Variants in ZNF544 observed in about 807,000 individuals in gnomAD.
The protein encoded by ZNF544 is zinc finger protein 544.
Under a neutral mutation model 13.5 loss-of-function variants are expected in ZNF544, and 10 were observed. The observed-to-expected ratio is 0.74, with a 90% CI of 0.46 to 1.25. The LOEUF (loss-of-function observed/expected upper bound fraction) is 1.25. Among genes scored for constraint, ZNF544 ranks in the 50% most tolerant of loss-of-function variants. The pLI is 0.00. For missense variants in ZNF544, 896 were observed against 845.6 expected (o/e 1.06, Z -0.74); for synonymous variants, 323 against 300.5 (o/e 1.07, Z -0.77).
intron 6 of ZNF544, chr19:58,259,586 CTT>C (rs1331993296): frequency 6.6e-6 from 1 of 152,232 alleles, no homozygotes; most frequent in Non-Finnish European, 1.5e-5. Context: ...ACATTTCTGT[CTT>C]TTCCTTCTCC....
In ZNF544 at chr19:58,261,894, C is replaced by G. The variant is rs986441230; in HGVS notation, c.1288C>G (p.His430Asp). Residue 430 changes from histidine to aspartate, a missense_variant, in exon 7 of 7, where the codon CAC becomes GAC. Physicochemically the swap from His to Asp is moderately conservative, Grantham distance 81. Transcript: ENST00000687789. ...RSKLITHQRIHTGEKPYQCIE... is the reference protein window; with the variant it reads ...RSKLITHQRIDTGEKPYQCIE... ...CAAACTTATTACACATCAGCGAATT[C>G]ACACTGGAGAAAAACCGTATCAGTG... is the stretch of plus-strand genomic sequence containing the variant. 5 of 1,612,520 alleles carry G rather than the reference C, an allele frequency of 3.1e-6. No individual in the cohort carries two copies. Among genetic ancestry groups the G allele is most frequent in the East Asian group, 4.5e-5 (2 of 44,808 alleles).
Position 58,261,411 on chromosome 19 carries a change from AG to A in ZNF544, c.806del (p.Ser269MetfsTer17), listed in dbSNP as rs771509684. The A allele has an allele frequency of 1.4e-5, 23 of 1,614,100 alleles. No homozygotes were observed. The highest frequency in any genetic ancestry group is 1.9e-5 in the Non-Finnish European group (23 of 1,180,056). On this transcript the variant is annotated frameshift_variant, in exon 7 of 7. Coordinates refer to ENST00000687789, the MANE Select transcript of ZNF544 (RefSeq NM_014480.4). LOFTEE classifies it low-confidence loss of function (END_TRUNC). ...FHGRTFSVKK[S>X]DDCKDYGNLF... ...TGGTAGAACTTTTTCAGTGAAGAAA[AG>A]TGATGACTGTAAGGATTATGGAAAC... is the stretch of plus-strand genomic sequence containing the variant.
At chr19:58,236,497 T>C (rs2042408361) in intron 3 of ZNF544, among the ~76,000 whole-genome samples, 1 of 138,168 alleles carries the variant, frequency 7.2e-6, no homozygotes, top group African/African-American at 2.8e-5. Context: ...AGTGAAACTG[T>C]GTCTCAAAAA....
At chr19:58,253,419 A>C (rs1456734621) in intron 6 of ZNF544, among the ~76,000 whole-genome samples, 1 of 152,196 alleles carries the variant, frequency 6.6e-6, no homozygotes, top group African/African-American at 2.4e-5. Context: ...GATTCAGCTA[A>C]CAACATTAAA....
intron 6 of ZNF544, chr19:58,276,457 G>C: frequency 8.4e-7 from 1 of 1,192,906 alleles, no homozygotes; most frequent in Non-Finnish European, 1.0e-6. Context: ...TCAAAAGTCA[G>C]AATTTTATTT....
At chr19:58,257,878 C>G (rs1293632232) in intron 6 of ZNF544, 1 of 152,228 alleles carries the variant, frequency 6.6e-6, no homozygotes, top group African/African-American at 2.4e-5. Flanking sequence ...CACGTTTCCC[C>G]CAGGCTGGAG....
At chr19:58,235,051 A>G (rs923418110) in intron 3 of ZNF544, among the ~76,000 whole-genome samples, 3 of 152,234 alleles carry the variant, frequency 2.0e-5, no homozygotes, top group African/African-American at 7.2e-5. Flanking sequence ...TGCAGTTACC[A>G]GTCCATAATA....
In ZNF544 at chr19:58,244,066, G is replaced by T; in HGVS notation, c.33+10G>T. On this transcript the variant is annotated intron_variant, in intron 4 of 6. Transcript: ENST00000687789. Reference sequence around the variant, plus strand: ...GCTGGTTCCACCCCAGGTGAGTGGGGGGTCTTTGCTCTCAGTGCCTTGGTC... The same window carrying T: ...GCTGGTTCCACCCCAGGTGAGTGGGTGGTCTTTGCTCTCAGTGCCTTGGTC... 6.2e-7 allele frequency: 1 copy of T among 1,605,802 alleles called. No individual in the cohort carries two copies. Among genetic ancestry groups the T allele is most frequent in the Non-Finnish European group, 8.5e-7 (1 of 1,175,780 alleles).
chr19:58,256,547 A>G (rs1028680985), intron 6 of ZNF544, among the ~76,000 whole-genome samples: 1 of 152,276 alleles, frequency 6.6e-6, no homozygotes, highest in South Asian at 2.1e-4. Flanking sequence ...AACAACTTAA[A>G]CGGTTACAAG....
intron 3 of ZNF544, among the ~76,000 whole-genome samples, chr19:58,236,459 G>A (rs921375823): frequency 7.4e-5 from 11 of 147,744 alleles, no homozygotes; most frequent in Non-Finnish European, 1.3e-4. Context: ...ATCGCTTGGC[G>A]CCATTGCACT....
At chr19:58,275,262 A>G (rs2051127958) in intron 5 of ZNF544, among the ~76,000 whole-genome samples, 1 of 152,038 alleles carries the variant, frequency 6.6e-6, no homozygotes, top group Non-Finnish European at 1.5e-5. Context: ...GCTTACTCTG[A>G]CTTATCCCTG....
In ZNF544 at chr19:58,260,832, C is replaced by T. The variant is rs2048772328; in HGVS notation, c.245-19C>T. On this transcript the variant is annotated intron_variant, in intron 6 of 6. Transcript: ENST00000687789. ...TCTGATGCTTCTCCAGTAACTTAGG[C>T]ATTTTGGATTTCTTTCAGACTGGAA... 6.4e-7 allele frequency: 1 copy of T among 1,550,838 alleles called. No homozygotes were observed. Among genetic ancestry groups the T allele is most frequent in the Non-Finnish European group, 8.7e-7 (1 of 1,149,698 alleles).
intron 6 of ZNF544, chr19:58,257,363 A>C (rs1375661781): frequency 6.6e-6 from 1 of 152,218 alleles, no homozygotes; most frequent in African/African-American, 2.4e-5. Context: ...CTGGTCGCAG[A>C]ATTTTCTGGG....
At chr19:58,231,808 C>T (rs2041284140) in intron 3 of ZNF544, 4 of 151,992 alleles carry the variant, frequency 2.6e-5, no homozygotes, top group Admixed American at 2.6e-4. Flanking sequence ...AATATTTTGT[C>T]AAGTTCAAAA....
intron 3 of ZNF544, among the ~76,000 whole-genome samples, chr19:58,238,949 G>T (rs2042993063): frequency 6.6e-6 from 1 of 152,160 alleles, no homozygotes; most frequent in Admixed American, 6.5e-5. Flanking sequence ...CACAGGTTTG[G>T]TGGCATCAGG....
At chr19:58,250,801 T>C (rs907817029) in intron 6 of ZNF544, among the ~76,000 whole-genome samples, 5 of 152,020 alleles carry the variant, frequency 3.3e-5, no homozygotes, top group African/African-American at 7.3e-5. Flanking sequence ...AGGCCAAAGA[T>C]TGGGCTGGGA....
Position 58,241,180 on chromosome 19 carries a change from T to TATATA in ZNF544, c.-59-2785_-59-2784insATATA, listed in dbSNP as rs1491408473. 5.3e-3 allele frequency among the ~76,000 whole-genome samples: 354 copies of TATATA among 67,324 alleles called. 15 individuals carry two copies. The highest frequency in any genetic ancestry group is 0.021 in the African/African-American group (313 of 14,588). 44.2% of individuals were successfully genotyped at this position (67,324 alleles called of 152,430 possible). A position where few individuals can be genotyped will look rare whatever the true frequency, so the allele number is the denominator to read the frequency against. The stretch of plus-strand genomic sequence containing the variant: ...ATATTTAAATATATATATATATATA[T>TATATA]TTTTTTTTTTTTGTAGAGATAGGGT... On this transcript the variant is annotated intron_variant, in intron 3 of 6. Transcript: ENST00000687789.
At chr19:58,242,208 G>A (rs1389426696) in intron 3 of ZNF544, 1 of 985,168 alleles carries the variant, frequency 1.0e-6, no homozygotes, top group Non-Finnish European at 1.2e-6. Flanking sequence ...GGTGGCCCAT[G>A]CTTAGGCTCT....
At chr19:58,248,226 A>G (rs2045696156) in intron 6 of ZNF544, among the ~76,000 whole-genome samples, 1 of 144,646 alleles carries the variant, frequency 6.9e-6, no homozygotes, top group Non-Finnish European at 1.5e-5. Flanking sequence ...AGGCATCATT[A>G]TCACCCAAAG....
Sources: allele counts gnomAD v4.1 joint callset (sites outside exome capture counted in the v4.1 genomes callset), GRCh38; gene constraint gnomAD v4.1.1; transcripts MANE v1.5; gene names NCBI Gene and HGNC (gene_info 2026-07-23, HGNC 2026-07-21).